Variants in USP42 observed in about 807,000 individuals in gnomAD.
USP42 encodes ubiquitin specific peptidase 42.
In USP42, 23 loss-of-function variants were observed where a neutral mutation model predicts 113.0. The ratio of observed to expected loss-of-function variants is 0.20; its 90% CI spans 0.15 to 0.29. The LOEUF is 0.29. USP42 is among the 10% of genes least tolerant of loss of function. The pLI, the probability that USP42 is intolerant of heterozygous loss-of-function variation, is 1.00. For synonymous variants in USP42, 933 were observed against 699.0 expected, an observed-to-expected ratio of 1.33 and a Z score of -5.28; for missense variants, 2,174 against 1,779.8, an observed-to-expected ratio of 1.22 and a Z score of -3.99.
chr7:6,145,678 T>C, intron 10 of USP42, 22 bp downstream of exon 10: 2 of 1,606,024 alleles, frequency 1.2e-6, no homozygotes, highest in East Asian at 4.5e-5. Flanking sequence ...AGATTTGCTA[T>C]TAACTATTGT....
intron 1 of USP42, among the ~76,000 whole-genome samples, chr7:6,106,694 A>G (rs1779298918): frequency 6.6e-6 from 1 of 151,696 alleles, no homozygotes; most frequent in South Asian, 2.1e-4. Context: ...CCTCCTAAGT[A>G]GGTAGGACTA....
chr7:6,129,770 A>C (rs530919397), intron 3 of USP42, among the ~76,000 whole-genome samples: 1 of 151,582 alleles, frequency 6.6e-6, no homozygotes, highest in African/African-American at 2.4e-5. Flanking sequence ...CTGAGGCAAG[A>C]GAATCACTTG....
intron 15 of USP42, 63 bp downstream of exon 15, chr7:6,155,258 C>G (rs1339517508): frequency 2.1e-6 from 3 of 1,455,508 alleles, no homozygotes; most frequent in East Asian, 2.5e-5. Flanking sequence ...GGGCCTGTCC[C>G]TTCTCACTCG....
intron 3 of USP42, among the ~76,000 whole-genome samples, chr7:6,126,321 G>A (rs982233743): frequency 6.8e-6 from 1 of 147,456 alleles, no homozygotes; most frequent in Non-Finnish European, 1.5e-5. Context: ...GTCTTGCTCT[G>A]TTGTCCAGGC....
intron 3 of USP42, among the ~76,000 whole-genome samples, chr7:6,130,109 C>T (rs759491704): frequency 5.9e-5 from 9 of 152,084 alleles, no homozygotes; most frequent in Admixed American, 2.6e-4. Flanking sequence ...CGTCGACCTC[C>T]GAAAGTGCTA....
rs570847217 is a variant in USP42 at position 6,157,229 on chromosome 7, C to G, written c.3943+174C>G. ...CAGTGCTCATCCCTGCAGTGTGGTT[C>G]CGTTGCACAGTTAAGCCCTTAGCGT... is the stretch of plus-strand genomic sequence containing the variant. On this transcript the variant is annotated intron_variant, in intron 16 of 17. Coordinates refer to ENST00000306177, the MANE Select transcript of USP42 (RefSeq NM_032172.3). This position sits in a 1 kb window ranked among gnomAD's most constrained non-coding sequence, Gnocchi z 4.1. The G allele has an allele frequency of 1.4e-6, 2 of 1,404,914 alleles. No homozygotes were observed. The highest frequency in any genetic ancestry group is 2.7e-5 in the East Asian group (1 of 37,576). The allele number at this position is 1,404,914 out of a possible 1,614,324, so 87.0% of individuals were successfully genotyped here.
At chr7:6,149,164 C>G (rs1781890741) in intron 12 of USP42, among the ~76,000 whole-genome samples, 1 of 152,056 alleles carries the variant, frequency 6.6e-6, no homozygotes, top group South Asian at 2.1e-4. Flanking sequence ...TGAAGCAGCC[C>G]CTACTCTCCG....
chr7:6,100,453 C>T (rs1477331825), upstream of USP42, among the ~76,000 whole-genome samples: 1 of 150,800 alleles, frequency 6.6e-6, no homozygotes, highest in Non-Finnish European at 1.5e-5. Flanking sequence ...CCTCAGCCTC[C>T]CAAGTAGCTG....
chr7:6,091,183 G>A, the USP42 span, among the ~76,000 whole-genome samples: 1 of 150,956 alleles, frequency 6.6e-6, no homozygotes. Context: ...TCAGTACATA[G>A]AGATTAACTA....
At position 6,142,944 on chromosome 7, in the gene USP42, G is replaced by A. The variant is rs1781513222; in HGVS notation, c.808G>A (p.Val270Ile). The stretch of plus-strand genomic sequence containing the variant: ...CTTCTCTTCCCAGGCTGCTCAGAGT[G>A]TCAACAAGGCATTGGAGCAGTTTGT... The part of the protein sequence containing the change: ...ITLEIKAAQS[V>I]NKALEQFVKP... The change falls in exon 8 of 18, where the codon GTC (valine) becomes ATC (isoleucine). Residue 270 changes from valine (V) to isoleucine (I), a missense_variant. Coordinates refer to ENST00000306177, the MANE Select transcript of USP42 (RefSeq NM_032172.3). 1.9e-6 allele frequency: 3 copies of A among 1,613,970 alleles called. No individual in the cohort carries two copies. The highest frequency in any genetic ancestry group is 2.7e-5 in the African/African-American group (2 of 75,050).
Position 6,157,287 on chromosome 7 carries a change from G to C in USP42, c.3943+232G>C, listed in dbSNP as rs556616576. The C allele has an allele frequency of 1.4e-4, 178 of 1,242,424 alleles. No individual in the cohort carries two copies. The African/African-American group carries it at 2.4e-3, about 17-fold the overall frequency. 77.0% of individuals were successfully genotyped at this position (1,242,424 alleles called of 1,614,324 possible). A position where few individuals can be genotyped will look rare whatever the true frequency, so the allele number is the denominator to read the frequency against. On this transcript the variant is annotated intron_variant, in intron 16 of 17. Transcript: ENST00000306177. This position sits in a 1 kb window ranked among gnomAD's most constrained non-coding sequence, Gnocchi z 4.1. ...AGGCCTAAGTGACACAGGACTGAGG[G>C]CAGCACTACCTGTGTCACCAAAGCC...
At chr7:6,156,656 G>C (rs1161810128) in intron 15 of USP42, 98 bp from the exon 16 acceptor site, 15 of 1,442,842 alleles carry the variant, frequency 1.0e-5, no homozygotes, top group Non-Finnish European at 1.3e-5. Flanking sequence ...TCTGCACAGT[G>C]AATGTTCTCG....
At chr7:6,118,683 G>A (rs970931858) in intron 3 of USP42, among the ~76,000 whole-genome samples, 6 of 152,110 alleles carry the variant, frequency 3.9e-5, no homozygotes, top group African/African-American at 1.4e-4. Context: ...GATGGAGCAA[G>A]TTTATTTTTT....
In USP42 at chr7:6,140,137, A is replaced by G. The variant is rs1781360404; in HGVS notation, c.666A>G (p.Arg222=). The G allele has an allele frequency of 6.2e-7, 1 of 1,613,890 alleles. No individual in the cohort carries two copies. The highest frequency in any genetic ancestry group is 1.3e-5 in the African/African-American group (1 of 74,946). Residue 222 remains arginine, a synonymous_variant, in exon 6 of 18, where the codon AGA becomes AGG. Transcript: ENST00000306177. ...ACLNGSNKLD[R]HTQATTLVCQ... ...GTTCAACGTTTTTCAGATTAGACAGACACACCCAGGCCACCACTCTTGTTT... is the reference window on the plus strand; with the variant it reads ...GTTCAACGTTTTTCAGATTAGACAGGCACACCCAGGCCACCACTCTTGTTT...
intron 3 of USP42, among the ~76,000 whole-genome samples, chr7:6,132,640 T>G (rs1430496920): frequency 6.6e-6 from 1 of 152,084 alleles, no homozygotes; most frequent in Non-Finnish European, 1.5e-5. Flanking sequence ...ATTACAGGCA[T>G]GAGCCACCAA....
intron 2 of USP42, among the ~76,000 whole-genome samples, chr7:6,113,296 C>T (rs537539516): frequency 5.5e-4 from 83 of 152,174 alleles, no homozygotes; most frequent in African/African-American, 2.0e-3. Context: ...ACAACCTAAT[C>T]GAATGTTGCA....
intron 1 of USP42, among the ~76,000 whole-genome samples, chr7:6,106,258 G>C (rs1250793934): frequency 6.6e-6 from 1 of 152,160 alleles, no homozygotes; most frequent in Non-Finnish European, 1.5e-5. Flanking sequence ...TTTTTAAAGC[G>C]TGTGTGTTTT....
chr7:6,120,016 A>C (rs567719691), intron 3 of USP42, among the ~76,000 whole-genome samples: 22 of 152,136 alleles, frequency 1.4e-4, no homozygotes, highest in African/African-American at 5.1e-4. Context: ...CCCGGGCTGG[A>C]GTGCAGTGGC....
chr7:6,098,916 A>G, the USP42 span, among the ~76,000 whole-genome samples: 3 of 150,220 alleles, frequency 2.0e-5, no homozygotes, highest in African/African-American at 4.9e-5. Flanking sequence ...TGGTGGTACC[A>G]TTCTTGAACA....
Sources: gnomAD v4.1 joint callset for allele counts (sites outside exome capture counted in the v4.1 genomes callset) on GRCh38, gnomAD v4.1.1 for gene constraint, Gnocchi (gnomAD v3.1) non-coding constraint, MANE v1.5 for transcripts, NCBI Gene and HGNC (gene_info 2026-07-23, HGNC 2026-07-21) for gene names.